CR1L: variants seen among roughly 807,000 people sequenced by gnomAD.
CR1L encodes complement component receptor 1-like protein.
A neutral mutation model predicts 62.3 loss-of-function variants in CR1L; 59 were observed. The observed-to-expected ratio is 0.95, with a 90% CI of 0.77 to 1.18. CR1L has a LOEUF of 1.18. CR1L is among the 50% of genes most tolerant of loss of function. The pLI is 0.00. For missense variants in CR1L, 700 were observed against 702.8 expected (o/e 1.00, Z 0.04); for synonymous variants, 279 against 248.7 (o/e 1.12, Z -1.15).
intron 1 of CR1L, among the ~76,000 whole-genome samples, chr1:207,646,898 C>T (rs1194247208): frequency 1.3e-5 from 2 of 152,090 alleles, no homozygotes; most frequent in East Asian, 1.9e-4. Flanking sequence ...ACAGATTGTA[C>T]GTTGCATTTC....
Position 207,646,566 on chromosome 1 carries a change from A to C in CR1L, c.97+1236A>C, listed in dbSNP as rs536865533. Among the ~76,000 whole-genome samples, 233 of 152,034 alleles carry C rather than the reference A, an allele frequency of 1.5e-3. 1 individual carries two copies. Among genetic ancestry groups the C allele is most frequent in the African/African-American group, 5.3e-3 (220 of 41,498 alleles). On this transcript the variant is annotated intron_variant, in intron 1 of 11. Transcript: ENST00000508064. ...TGTCTACAAAAAATAAAAAAATTAG[A>C]TGGGCATGGTGGTGTATGCCCGTGG...
chr1:207,708,191 G>C lies in CR1L; in HGVS notation c.1342G>C (p.Gly448Arg). The C allele has an allele frequency of 6.2e-7, 1 of 1,611,448 alleles. No homozygotes were observed. Among genetic ancestry groups the C allele is most frequent in the South Asian group, 1.1e-5 (1 of 90,976 alleles). The change falls in exon 10 of 12, where the codon GGT becomes CGT. Residue 448 changes from glycine to arginine, a missense_variant. By Grantham distance (125) the Gly-to-Arg change is moderately radical. Transcript: ENST00000508064. The part of the protein sequence containing the change: ...YSCTTGHRLI[G>R]HSSAECILSG... ...TTTTGCCTTTAGGCACCGACTCATTGGTCACTCATCTGCTGAATGTATCCT... is the reference window on the plus strand; with the variant it reads ...TTTTGCCTTTAGGCACCGACTCATTCGTCACTCATCTGCTGAATGTATCCT...
rs373247097 is a variant in CR1L, at chr1:207,713,650, G to A, written c.1415-3814G>A. 4.6e-5 allele frequency among the ~76,000 whole-genome samples: 7 copies of A among 152,360 alleles called. No homozygotes were observed. The South Asian group carries it at 8.3e-4, about 18-fold the overall frequency. On this transcript the variant is annotated intron_variant, in intron 10 of 11. Coordinates refer to ENST00000508064, the MANE Select transcript of CR1L (RefSeq NM_175710.2). ...GAGCAAGTGGGGGTTCCAGCTGGCC[G>A]CGCCAAGCACTGGCACAGGAGCGGG...
At chr1:207,660,031 G>T (rs892164474) in intron 1 of CR1L, among the ~76,000 whole-genome samples, 10 of 152,222 alleles carry the variant, frequency 6.6e-5, no homozygotes, top group African/African-American at 2.2e-4. Flanking sequence ...GCCTGAACTG[G>T]GTGGAGCCCA....
chr1:207,710,940 C>G lies in CR1L; in HGVS notation c.1414+2677C>G. Reference sequence around the variant, plus strand: ...CATGAAATTAAGAATCTGGGGTGTGCAAGCACTCATGCATATGTGTCTTCA... The same window carrying G: ...CATGAAATTAAGAATCTGGGGTGTGGAAGCACTCATGCATATGTGTCTTCA... On this transcript the variant is annotated intron_variant, in intron 10 of 11. Coordinates refer to ENST00000508064, the MANE Select transcript of CR1L (RefSeq NM_175710.2). The G allele has an allele frequency of 7.6e-6, 6 of 789,360 alleles. No individual in the cohort carries two copies. The South Asian group carries it at 1.1e-4, about 14-fold the overall frequency. The allele number at this position is 789,360 out of a possible 1,614,324, so 48.9% of individuals were successfully genotyped here. A position where few individuals can be genotyped will look rare whatever the true frequency, so the allele number is the denominator to read the frequency against.
chr1:207,645,973 G>T (rs1181403393), intron 1 of CR1L, among the ~76,000 whole-genome samples: 3 of 150,468 alleles, frequency 2.0e-5, no homozygotes, highest in Non-Finnish European at 4.4e-5. Flanking sequence ...GGACTCTGCG[G>T]CTAGGGAGGG....
intron 1 of CR1L, among the ~76,000 whole-genome samples, chr1:207,648,797 A>G (rs575256653): frequency 6.6e-6 from 1 of 152,366 alleles, no homozygotes. Flanking sequence ...AGCAGTCCAT[A>G]TCTGGTCACC....
At chr1:207,652,802 C>T (rs776347316) in intron 1 of CR1L, 2 of 639,330 alleles carry the variant, frequency 3.1e-6, no homozygotes, top group Admixed American at 2.3e-5. Context: ...TTTTAGGGTA[C>T]ATATTCCACT....
rs137882080 is a variant in CR1L, at chr1:207,674,278, T to C, written c.98-3111T>C. Among the ~76,000 whole-genome samples the C allele has an allele frequency of 3.4e-3, 516 of 152,332 alleles. 7 individuals are homozygous for C. Among genetic ancestry groups the C allele is most frequent in the African/African-American group, 0.012 (499 of 41,578 alleles). ...AATGTTCATTGTCTTCATTTGGTGA[T>C]GGTTTCACAGGGCATATATATAAGT... On this transcript the variant is annotated intron_variant, in intron 1 of 11. Transcript: ENST00000508064.
At chr1:207,662,870 G>T (rs1663446965) in intron 1 of CR1L, among the ~76,000 whole-genome samples, 1 of 152,186 alleles carries the variant, frequency 6.6e-6, no homozygotes, top group Admixed American at 6.5e-5. Flanking sequence ...CTAACAGTCA[G>T]GACCCTCAGC....
chr1:207,719,934 A>G (rs2102485262), intron 11 of CR1L, among the ~76,000 whole-genome samples: 1 of 152,340 alleles, frequency 6.6e-6, no homozygotes, highest in African/African-American at 2.4e-5. Context: ...TTAACAATAA[A>G]TAAATGGTCA....
intron 1 of CR1L, chr1:207,669,427 T>G: frequency 1.6e-6 from 2 of 1,272,228 alleles, no homozygotes; most frequent in East Asian, 4.6e-5. Context: ...ATCTGGTTTG[T>G]AGATGTGCTT....
chr1:207,717,629 A>G lies in CR1L; in HGVS notation c.1580A>G (p.Glu527Gly). Residue 527 changes from glutamate to glycine, a missense_variant, in exon 11 of 12, where the codon GAA (glutamate) becomes GGA (glycine). Physicochemically the swap from Glu to Gly is moderately conservative, Grantham distance 98 (BLOSUM62 -2). Coordinates refer to ENST00000508064, the MANE Select transcript of CR1L (RefSeq NM_175710.2). ...IGESTIRRTS[E>G]PHGNGVWSSP... is the part of the protein sequence containing the mutation. ...GAGAGCACCATCCGCCGCACAAGTGAACCTCATGGGAATGGGGTTTGGAGC... is the reference window on the plus strand; with the variant it reads ...GAGAGCACCATCCGCCGCACAAGTGGACCTCATGGGAATGGGGTTTGGAGC... 1 of 1,613,970 alleles carries G rather than the reference A, an allele frequency of 6.2e-7. No individual in the cohort carries two copies. Among genetic ancestry groups the G allele is most frequent in the Non-Finnish European group, 8.5e-7 (1 of 1,179,880 alleles).
intron 1 of CR1L, among the ~76,000 whole-genome samples, chr1:207,675,004 T>C (rs951032814): frequency 2.0e-5 from 3 of 150,868 alleles, no homozygotes; most frequent in African/African-American, 7.3e-5. Flanking sequence ...GGACTCTTCA[T>C]TTTTTTTTAA....
At chr1:207,683,724 T>G in intron 3 of CR1L, 148 bp from the exon 4 acceptor site, 1 of 612,930 alleles carries the variant, frequency 1.6e-6, no homozygotes, top group Non-Finnish European at 2.5e-6. Flanking sequence ...CCCAAGAATG[T>G]GAAATTTGGG....
In CR1L at chr1:207,694,744, C is replaced by T. The variant is rs1664048299; in HGVS notation, c.855C>T (p.Cys285=). 1.9e-6 allele frequency: 3 copies of T among 1,611,882 alleles called. No homozygotes were observed. Among genetic ancestry groups the T allele is most frequent in the Non-Finnish European group, 2.5e-6 (3 of 1,179,730 alleles). Residue 285 remains cysteine (C), a synonymous_variant, in exon 5 of 12, where the codon TGC becomes TGT. Transcript: ENST00000508064. ...LNKWEPELPS[C]SRVCQPPPDV... is the part of the protein sequence containing the mutation. ...AATGGGAGCCAGAGTTACCAAGCTG[C>T]TCCAGGGGTGAGTCTGACTGAGGCC...
intron 1 of CR1L, among the ~76,000 whole-genome samples, chr1:207,659,862 G>T (rs541764426): frequency 1.3e-4 from 20 of 152,356 alleles, no homozygotes; most frequent in Non-Finnish European, 2.8e-4. Context: ...CCTGTGCCTG[G>T]CTGGGGAGGT....
chr1:207,667,198 G>T (rs1219657053), intron 1 of CR1L, among the ~76,000 whole-genome samples: 1 of 152,148 alleles, frequency 6.6e-6, no homozygotes, highest in Non-Finnish European at 1.5e-5. Flanking sequence ...CCCACCCAAT[G>T]GTTTCCTATT....
At chr1:207,672,910 A>G (rs1348272874) in intron 1 of CR1L, among the ~76,000 whole-genome samples, 2 of 152,214 alleles carry the variant, frequency 1.3e-5, no homozygotes, top group African/African-American at 4.8e-5. Context: ...TCACATTCGG[A>G]CAGGCAACAT....
Sources: allele counts gnomAD v4.1 joint callset (sites outside exome capture counted in the v4.1 genomes callset), GRCh38; gene constraint gnomAD v4.1.1; transcripts MANE v1.5; gene names NCBI Gene and HGNC (gene_info 2026-07-23, HGNC 2026-07-21).